Variants in CCER2 observed in about 807,000 individuals in gnomAD.
CCER2 encodes the protein coiled-coil glutamate rich protein 2.
In CCER2, 20 loss-of-function variants were observed where a neutral mutation model predicts 27.1. The observed-to-expected ratio is 0.74, with a 90% CI of 0.52 to 1.07. The LOEUF is 1.07. Among genes scored for constraint, CCER2 ranks in the 50% least tolerant of loss-of-function variants. The probability of loss-of-function intolerance (pLI) is 0.00; values close to 1 mark genes in which losing one functional copy is unlikely to be tolerated. For synonymous variants in CCER2, 140 were observed against 144.3 expected (o/e 0.97, Z 0.21); for missense variants, 351 against 344.7 (o/e 1.02, Z -0.14).
At chr19:38,910,084 G>A (rs149533730) in intron 4 of CCER2, among the ~76,000 whole-genome samples, 2 of 152,214 alleles carry the variant, frequency 1.3e-5, no homozygotes, top group East Asian at 1.9e-4. Flanking sequence ...TGTTGCCCAC[G>A]CTGGTCTCAA....
Position 38,909,364 on chromosome 19 carries a change from C to CA in CCER2, c.712-40dup, listed in dbSNP as rs1487287795. On this transcript the variant is annotated intron_variant, in intron 4 of 4. Coordinates refer to ENST00000571838, the MANE Select transcript of CCER2 (RefSeq NM_001243212.2). The stretch of plus-strand genomic sequence containing the variant: ...AAACGGGGTAGTCAGCACCCACCTT[C>CA]AAAGGCAGGCCACCTCGGTCACTGT... 1.1e-5 allele frequency: 17 copies of CA among 1,521,232 alleles called. No individual in the cohort carries two copies. In the African/African-American group the frequency reaches 1.2e-4, roughly 11 times the overall value. The allele number at this position is 1,521,232 out of a possible 1,614,324, so 94.2% of individuals were successfully genotyped here. A position where few individuals can be genotyped will look rare whatever the true frequency, so the allele number is the denominator to read the frequency against.
chr19:38,910,869 G>T lies in CCER2; in HGVS notation c.405C>A (p.Asp135Glu). The change falls in exon 4 of 5, where the codon GAC (aspartate) becomes GAA (glutamate). Residue 135 changes from aspartate (D) to glutamate (E), a missense_variant. Asp to Glu is a conservative substitution (Grantham distance 45). Transcript: ENST00000571838. Reference sequence around the variant, plus strand: ...TCCTCTCCTCCTTCTCCTCCTCCTCGTCCTCCTCCTGGTGGAGCTGGCGAT... The same window carrying T: ...TCCTCTCCTCCTTCTCCTCCTCCTCTTCCTCCTCCTGGTGGAGCTGGCGAT... ...QGHRQLHQEE[D>E]EEEEKEERKR... 1.3e-6 allele frequency: 2 copies of T among 1,519,910 alleles called. No individual in the cohort carries two copies. The highest frequency in any genetic ancestry group is 2.4e-5 in the East Asian group (1 of 41,382). 94.2% of individuals were successfully genotyped at this position (1,519,910 alleles called of 1,614,324 possible). A position where few individuals can be genotyped will look rare whatever the true frequency, so the allele number is the denominator to read the frequency against.
chr19:38,911,139 G>A (rs958633313), intron 3 of CCER2, 56 bp from the exon 4 acceptor site: 12 of 1,391,358 alleles, frequency 8.6e-6, no homozygotes, highest in Non-Finnish European at 1.1e-5. Flanking sequence ...CTGAGGCCGA[G>A]TATGGAGGCT....
chr19:38,909,346 G>T (rs527598513), intron 4 of CCER2, 21 bp from the exon 5 acceptor site: 2 of 1,534,904 alleles, frequency 1.3e-6, no homozygotes, highest in African/African-American at 2.7e-5. Flanking sequence ...CAGAAACGGG[G>T]TAGTCAGCAC....
In CCER2 at chr19:38,911,736, G is replaced by A. The variant is rs145393578; in HGVS notation, c.102+76C>T. 149 of 1,526,752 alleles carry A rather than the reference G, an allele frequency of 9.8e-5. 1 individual carries two copies. The African/African-American group carries it at 1.6e-3, about 17-fold the overall frequency. The allele number at this position is 1,526,752 out of a possible 1,614,324, so 94.6% of individuals were successfully genotyped here. On this transcript the variant is annotated intron_variant, in intron 2 of 4. Coordinates refer to ENST00000571838, the MANE Select transcript of CCER2 (RefSeq NM_001243212.2). The stretch of plus-strand genomic sequence containing the variant: ...AGAGCAGCTGGTTTGAGGGCAATGA[G>A]GATCATGGGGCAGGCTGTGCAGGGA...
intron 4 of CCER2, 42 bp downstream of exon 4, chr19:38,910,521 C>T (rs1974282252): frequency 2.1e-6 from 3 of 1,438,916 alleles, no homozygotes; most frequent in East Asian, 5.0e-5. Flanking sequence ...TCAACCCTGC[C>T]TCCAAACTGT....
intron 4 of CCER2, 131 bp downstream of exon 4, chr19:38,910,432 C>T (rs2050063224): frequency 9.9e-6 from 13 of 1,310,366 alleles, no homozygotes; most frequent in Non-Finnish European, 1.3e-5. Flanking sequence ...CAGTCTTGGC[C>T]ACTGTGATCC....
rs1170539819 is a variant in CCER2, at chr19:38,911,737, G to GAT, written c.102+73_102+74dup. Reference sequence around the variant, plus strand: ...GAGCAGCTGGTTTGAGGGCAATGAGGATCATGGGGCAGGCTGTGCAGGGAG... The same window carrying GAT: ...GAGCAGCTGGTTTGAGGGCAATGAGGATATCATGGGGCAGGCTGTGCAGGGAG... On this transcript the variant is annotated intron_variant, in intron 2 of 4. Transcript: ENST00000571838. 3 of 1,526,530 alleles carry GAT rather than the reference G, an allele frequency of 2.0e-6. No homozygotes were observed. The African/African-American group carries it at 4.1e-5, about 21-fold the overall frequency. 94.6% of individuals were successfully genotyped at this position (1,526,530 alleles called of 1,614,324 possible).
Position 38,910,739 on chromosome 19 carries a change from C to T in CCER2, c.535G>A (p.Ala179Thr). 1 of 1,533,396 alleles carries T rather than the reference C, an allele frequency of 6.5e-7. No individual in the cohort carries two copies. The highest frequency in any genetic ancestry group is 8.7e-7 in the Non-Finnish European group (1 of 1,145,582). 95.0% of individuals were successfully genotyped at this position (1,533,396 alleles called of 1,614,324 possible). The change falls in exon 4 of 5, where the codon GCC becomes ACC. Residue 179 changes from alanine (A) to threonine (T), a missense_variant. Physicochemically the swap from Ala to Thr is moderately conservative, Grantham distance 58 (BLOSUM62 0). Transcript: ENST00000571838. Reference protein sequence around the residue: ...VAEKASDKETAQFQAEEKGVR... With the variant: ...VAEKASDKETTQFQAEEKGVR... The stretch of plus-strand genomic sequence containing the variant: ...CCCTTCTCCTCTGCCTGGAACTGGG[C>T]CGTCTCTTTGTCACTGGCCTTCTCT...
At position 38,909,235 on chromosome 19, in the gene CCER2, G is replaced by C; in HGVS notation, c.*1C>G. On this transcript the variant is annotated 3_prime_UTR_variant, in exon 5 of 5. Coordinates refer to ENST00000571838, the MANE Select transcript of CCER2 (RefSeq NM_001243212.2). ...GGAGGAAGGAGGGACTGAGGTAGGG[G>C]TCAGCCCTCCCTCCTGAGCTGCTCC... is the stretch of plus-strand genomic sequence containing the variant. 6.5e-7 allele frequency: 1 copy of C among 1,535,014 alleles called. No homozygotes were observed.
Position 38,909,150 on chromosome 19 carries a change from TGG to T in CCER2, c.*84_*85del. On this transcript the variant is annotated 3_prime_UTR_variant, in exon 5 of 5. Coordinates refer to ENST00000571838, the MANE Select transcript of CCER2 (RefSeq NM_001243212.2). Reference sequence around the variant, plus strand: ...CTCCCCTGTTTGGGTAGGGGTGGCGTGGGGTGCTAGGTGAGGTGGAGGCTTCG... The same window carrying T: ...CTCCCCTGTTTGGGTAGGGGTGGCGTGGTGCTAGGTGAGGTGGAGGCTTCG... 7.4e-7 allele frequency: 1 copy of T among 1,352,612 alleles called. No homozygotes were observed. Among genetic ancestry groups the T allele is most frequent in the East Asian group, 2.5e-5 (1 of 39,726 alleles). 83.8% of individuals were successfully genotyped at this position (1,352,612 alleles called of 1,614,324 possible).
At position 38,912,153 on chromosome 19, in the gene CCER2, C is replaced by A. The variant is rs188963565; in HGVS notation, c.6G>T (p.Pro2=). Residue 2 remains proline (P), a synonymous_variant, in exon 1 of 5, where the codon CCG becomes CCT. Transcript: ENST00000571838. ...GCAGCTCAGAGGCTGGCCCTCGGGG[C>A]GGCATGGTGGGCGTCCAACGGGTCC... M[P]PRGPASELLL... is the part of the protein sequence containing the mutation. 69 of 1,490,602 alleles carry A rather than the reference C, an allele frequency of 4.6e-5. 1 individual carries two copies. The East Asian group carries it at 1.5e-3, about 32-fold the overall frequency. 92.3% of individuals were successfully genotyped at this position (1,490,602 alleles called of 1,614,324 possible).
intron 4 of CCER2, 115 bp downstream of exon 4, chr19:38,910,448 T>G: frequency 7.3e-7 from 1 of 1,376,190 alleles, no homozygotes; most frequent in Non-Finnish European, 9.5e-7. Context: ...GATCCACTAG[T>G]GATGGATCTG....
In CCER2 at chr19:38,909,237, C is replaced by T; in HGVS notation, c.800G>A (p.Ter267=). The change falls in exon 5 of 5, where the codon TGA becomes TAA. Residue 267 remains the stop codon, a stop_retained_variant. Coordinates refer to ENST00000571838, the MANE Select transcript of CCER2 (RefSeq NM_001243212.2). ...AGGAAGGAGGGACTGAGGTAGGGGT[C>T]AGCCCTCCCTCCTGAGCTGCTCCCC... ...TLGEQLRREG[*] 3 of 1,535,080 alleles carry T rather than the reference C, an allele frequency of 2.0e-6. No homozygotes were observed. The highest frequency in any genetic ancestry group is 2.0e-5 in the Admixed American group (1 of 50,992).
At chr19:38,909,856 G>A (rs560864094) in intron 4 of CCER2, among the ~76,000 whole-genome samples, 1 of 148,092 alleles carries the variant, frequency 6.8e-6, no homozygotes, top group South Asian at 2.2e-4. Context: ...TTACAGGCAC[G>A]AACCACCATG....
rs2144751126 is a variant in CCER2 at position 38,911,038 on chromosome 19, TTCTCCTC to T, written c.229_235del (p.Glu77LysfsTer16). ...CTTGAAATCCCCAAGCAGCAGGCCT[TTCTCCTC>T]GGTGGACGCACAGCCGTGGGGCTCT... On this transcript the variant is annotated frameshift_variant, in exon 4 of 5. Transcript: ENST00000571838. LOFTEE classifies it high-confidence loss of function. 3 of 1,468,834 alleles carry T rather than the reference TTCTCCTC, an allele frequency of 2.0e-6. No homozygotes were observed. In the East Asian group the frequency reaches 7.4e-5, roughly 36 times the overall value. The allele number at this position is 1,468,834 out of a possible 1,614,324, so 91.0% of individuals were successfully genotyped here. A position where few individuals can be genotyped will look rare whatever the true frequency, so the allele number is the denominator to read the frequency against.
Position 38,912,014 on chromosome 19 carries a change from TG to T in CCER2, c.61+83del, listed in dbSNP as rs1974317942. Reference sequence around the variant, plus strand: ...GGCTCGGCCCCTGAAGCCTCTCCACTGGGTGCACTGCCTGCCCCCTCCCACT... The same window carrying T: ...GGCTCGGCCCCTGAAGCCTCTCCACTGGTGCACTGCCTGCCCCCTCCCACT... On this transcript the variant is annotated intron_variant, in intron 1 of 4. Coordinates refer to ENST00000571838, the MANE Select transcript of CCER2 (RefSeq NM_001243212.2). 9 of 1,487,096 alleles carry T rather than the reference TG, an allele frequency of 6.1e-6. No homozygotes were observed. In the Admixed American group the frequency reaches 2.0e-4, roughly 32 times the overall value. 92.1% of individuals were successfully genotyped at this position (1,487,096 alleles called of 1,614,324 possible).
intron 4 of CCER2, among the ~76,000 whole-genome samples, chr19:38,910,313 G>A (rs1298221692): frequency 6.6e-6 from 1 of 152,190 alleles, no homozygotes; most frequent in East Asian, 1.9e-4. Context: ...TGCTAGTGAT[G>A]GTGGCTTGCT....
rs1480250883 is a variant in CCER2 at position 38,911,588 on chromosome 19, G to A, written c.168C>T (p.Pro56=). 8.5e-6 allele frequency: 13 copies of A among 1,535,316 alleles called. No individual in the cohort carries two copies. Among genetic ancestry groups the A allele is most frequent in the African/African-American group, 1.4e-5 (1 of 73,036 alleles). ...VLTVGQVQRG[P]CTALLHKELC... is the part of the protein sequence containing the mutation. Reference sequence around the variant, plus strand: ...TACCCTTGTGGAGAAGAGCAGTGCAGGGTCCTCTCTGGACCTGGCCCACGG... The same window carrying A: ...TACCCTTGTGGAGAAGAGCAGTGCAAGGTCCTCTCTGGACCTGGCCCACGG... The change falls in exon 3 of 5, where the codon CCC becomes CCT. Residue 56 remains proline, a synonymous_variant. Transcript: ENST00000571838.
Sources: allele counts gnomAD v4.1 joint callset (sites outside exome capture counted in the v4.1 genomes callset), GRCh38; gene constraint gnomAD v4.1.1; transcripts MANE v1.5; gene names NCBI Gene and HGNC (gene_info 2026-07-23, HGNC 2026-07-21).